FBXL14: variants seen among roughly 807,000 people sequenced by gnomAD.
FBXL14 encodes the protein F-box and leucine rich repeat protein 14.
Under a neutral mutation model 24.5 loss-of-function variants are expected in FBXL14, and 11 were observed. The ratio of observed to expected loss-of-function variants is 0.45; its 90% confidence interval spans 0.28 to 0.74. The LOEUF is 0.74. FBXL14 is among the 30% of genes least tolerant of loss of function. FBXL14 has a pLI of 0.12. For synonymous variants in FBXL14, 294 were observed against 240.4 expected (o/e 1.22, Z -2.06); for missense variants, 384 against 545.6 (o/e 0.70, Z 2.95).
intron 1 of FBXL14, 143 bp from the exon 2 acceptor site, chr12:1,566,953 A>C: frequency 3.3e-6 from 2 of 598,586 alleles, no homozygotes; most frequent in Non-Finnish European, 6.0e-6. Flanking sequence ...ACGCCAGCCC[A>C]CTCTAGCCAT....
intron 1 of FBXL14, among the ~76,000 whole-genome samples, chr12:1,573,648 CCAGT>C (rs2094449413): frequency 6.6e-6 from 1 of 152,156 alleles, no homozygotes; most frequent in Non-Finnish European, 1.5e-5. Flanking sequence ...GAAGAGTTCT[CCAGT>C]CAAACAGAGA....
At chr12:1,571,158 G>A (rs2094444804) in intron 1 of FBXL14, among the ~76,000 whole-genome samples, 1 of 152,006 alleles carries the variant, frequency 6.6e-6, no homozygotes, top group South Asian at 2.1e-4. Flanking sequence ...GCTATTGCAT[G>A]GCAGTAGGTG....
At chr12:1,576,867 T>A (rs1339428649) in intron 1 of FBXL14, among the ~76,000 whole-genome samples, 1 of 152,264 alleles carries the variant, frequency 6.6e-6, no homozygotes, top group East Asian at 1.9e-4. Context: ...TGTATTTTTT[T>A]AAAGTCATTC....
chr12:1,573,522 G>A lies in FBXL14; in HGVS notation c.1195-6712C>T, dbSNP rs975492334. On this transcript the variant is annotated intron_variant, in intron 1 of 1. Transcript: ENST00000339235. ...CTAGGGACAGCAGTGATGTAAAGAG[G>A]ATGTAACATTGCGGGGCCAGAAGTG... 3.3e-5 allele frequency among the ~76,000 whole-genome samples: 5 copies of A among 152,310 alleles called. No homozygotes were observed. In the South Asian group the frequency reaches 6.2e-4, roughly 19 times the overall value.
chr12:1,584,181 CA>C (rs533540752), intron 1 of FBXL14, among the ~76,000 whole-genome samples: 58 of 146,462 alleles, frequency 4.0e-4, no homozygotes, highest in African/African-American at 1.3e-3. Flanking sequence ...CCTGTCTCTA[CA>C]AAAAAAAAAT....
chr12:1,568,571 G>T (rs1174256540), intron 1 of FBXL14, among the ~76,000 whole-genome samples: 1 of 152,088 alleles, frequency 6.6e-6, no homozygotes, highest in Non-Finnish European at 1.5e-5. Flanking sequence ...ATTCAATTAT[G>T]TACCCTTAGA....
chr12:1,583,511 G>A (rs2154438114), intron 1 of FBXL14, among the ~76,000 whole-genome samples: 1 of 152,324 alleles, frequency 6.6e-6, no homozygotes, highest in Non-Finnish European at 1.5e-5. Flanking sequence ...ATCTTTTCCA[G>A]GAAGTGAAAT....
At position 1,592,969 on chromosome 12, in the gene FBXL14, G is replaced by T; in HGVS notation, c.1098C>A (p.Cys366Ter). The change falls in exon 1 of 2, where the codon TGC becomes TGA. Residue 366 changes from cysteine to a stop codon, truncating the protein, a stop_gained. Coordinates refer to ENST00000339235, the MANE Select transcript of FBXL14 (RefSeq NM_152441.3). LOFTEE classifies it high-confidence loss of function. ...SQLTGIDLYG[C>*]TRITKRGLER... ...CCAGGCCGCGCTTGGTGATTCGGGT[G>T]CAGCCGTACAGGTCTATGCCGGTGA... 6.2e-7 allele frequency: 1 copy of T among 1,613,232 alleles called. No homozygotes were observed. Among genetic ancestry groups the T allele is most frequent in the Non-Finnish European group, 8.5e-7 (1 of 1,179,826 alleles).
At chr12:1,591,220 T>C (rs1466359073) in intron 1 of FBXL14, among the ~76,000 whole-genome samples, 2 of 152,184 alleles carry the variant, frequency 1.3e-5, no homozygotes, top group Non-Finnish European at 1.5e-5. Context: ...ATGAGTTGAC[T>C]CACCCCCACA....
chr12:1,575,655 G>T (rs1315255737), intron 1 of FBXL14, among the ~76,000 whole-genome samples: 1 of 152,222 alleles, frequency 6.6e-6, no homozygotes, highest in Non-Finnish European at 1.5e-5. Context: ...TGCCGCAGGA[G>T]GTTGCTGTTG....
rs757512372 is a variant in FBXL14, at chr12:1,566,806, G to A, written c.1199C>T (p.Ala400Val). The change falls in exon 2 of 2, where the codon GCA (alanine) becomes GTA (valine). Residue 400 changes from alanine to valine, a missense_variant. By Grantham distance (64) the Ala-to-Val change is moderately conservative. Coordinates refer to ENST00000339235, the MANE Select transcript of FBXL14 (RefSeq NM_152441.3). The part of the protein sequence containing the change: ...LWQMTDSEKE[A>V]RGDFSPLFTV... The stretch of plus-strand genomic sequence containing the variant: ...GAATAATGGAGAAAAATCCCCTCGT[G>A]CCTCCTGCAGTGGGAAGAAGAAAAA... The A allele has an allele frequency of 3.8e-6, 3 of 780,794 alleles. No individual in the cohort carries two copies. The highest frequency in any genetic ancestry group is 7.2e-6 in the Non-Finnish European group (3 of 418,080). 48.4% of individuals were successfully genotyped at this position (780,794 alleles called of 1,614,324 possible).
At chr12:1,581,701 G>A (rs1464868407) in intron 1 of FBXL14, among the ~76,000 whole-genome samples, 1 of 152,190 alleles carries the variant, frequency 6.6e-6, no homozygotes, top group Non-Finnish European at 1.5e-5. Flanking sequence ...TTGCAGTGCT[G>A]CCACCTCAGA....
chr12:1,592,715 G>A (rs1011886915), intron 1 of FBXL14, among the ~76,000 whole-genome samples, 158 bp downstream of exon 1: 1 of 152,242 alleles, frequency 6.6e-6, no homozygotes. Flanking sequence ...GGGGCTGGAG[G>A]AGGGAGGAGG....
In FBXL14 at chr12:1,567,637, G is replaced by T. The variant is rs1186969744; in HGVS notation, c.1195-827C>A. Among the ~76,000 whole-genome samples, 1 of 152,216 alleles carries T rather than the reference G, an allele frequency of 6.6e-6. No homozygotes were observed. On this transcript the variant is annotated intron_variant, in intron 1 of 1. Coordinates refer to ENST00000339235, the MANE Select transcript of FBXL14 (RefSeq NM_152441.3). This position sits in a 1 kb window ranked among gnomAD's most constrained non-coding sequence, Gnocchi z 4.8. The stretch of plus-strand genomic sequence containing the variant: ...AAAGCAGCTCTGATTAATGTGAGGG[G>T]CTGTAATGGATAAAGTAGGCAGCAT...
chr12:1,574,320 T>C (rs1185668460), intron 1 of FBXL14, among the ~76,000 whole-genome samples: 1 of 12,962 alleles, frequency 7.7e-5, no homozygotes, highest in East Asian at 9.3e-4. Flanking sequence ...CCAGAGAGCT[T>C]ACCTGGAGGA....
intron 1 of FBXL14, among the ~76,000 whole-genome samples, chr12:1,568,809 C>A (rs773472252): frequency 6.6e-6 from 1 of 152,034 alleles, no homozygotes; most frequent in Non-Finnish European, 1.5e-5. Flanking sequence ...TGCAGTGAGC[C>A]GAGATCACGC....
chr12:1,590,243 A>G (rs2094486499), intron 1 of FBXL14, among the ~76,000 whole-genome samples: 1 of 152,208 alleles, frequency 6.6e-6, no homozygotes, highest in African/African-American at 2.4e-5. Context: ...GTCAGGCTCA[A>G]TTAGACCCAA....
chr12:1,587,296 C>G (rs1473934950), intron 1 of FBXL14: 2 of 144,990 alleles, frequency 1.4e-5, no homozygotes, highest in African/African-American at 5.1e-5. Flanking sequence ...ATAATAGAAA[C>G]TTAAGTCTTC....
At chr12:1,571,167 T>C (rs1458158060) in intron 1 of FBXL14, among the ~76,000 whole-genome samples, 1 of 151,938 alleles carries the variant, frequency 6.6e-6, no homozygotes, top group Non-Finnish European at 1.5e-5. Context: ...TGGCAGTAGG[T>C]GTAAAACAGT....
Sources: allele counts gnomAD v4.1 joint callset (sites outside exome capture counted in the v4.1 genomes callset), GRCh38; gene constraint gnomAD v4.1.1; non-coding constraint Gnocchi (gnomAD v3.1); transcripts MANE v1.5; gene names NCBI Gene and HGNC (gene_info 2026-07-23, HGNC 2026-07-21).